The following RSPH6A variants were observed in gnomAD, a reference collection of about 807,000 sequenced individuals.
RSPH6A encodes the protein radial spoke head 6 homolog A, also known as radial spoke head protein 6 homolog A.
In RSPH6A, 49 loss-of-function variants were observed where a neutral mutation model predicts 66.1. The observed-to-expected ratio is 0.74, with a 90% confidence interval of 0.59 to 0.94. RSPH6A has a LOEUF of 0.94. RSPH6A is among the 40% of genes least tolerant of loss of function. The pLI is 0.00. For missense variants in RSPH6A, 977 were observed against 948.3 expected, an observed-to-expected ratio of 1.03 and a Z score of -0.40; for synonymous variants, 419 against 402.4, an observed-to-expected ratio of 1.04 and a Z score of -0.49.
chr19:45,809,714 G>A (rs1309733287), intron 2 of RSPH6A, among the ~76,000 whole-genome samples: 1 of 152,202 alleles, frequency 6.6e-6, no homozygotes, highest in African/African-American at 2.4e-5. Flanking sequence ...AGAGCAGGAA[G>A]CCATCCACAG....
chr19:45,799,573 T>TG (rs1266790698), intron 5 of RSPH6A, among the ~76,000 whole-genome samples: 2 of 152,002 alleles, frequency 1.3e-5, no homozygotes, highest in Non-Finnish European at 2.9e-5. Context: ...AGATAGTGTC[T>TG]TACTGTGTTC....
intron 2 of RSPH6A, among the ~76,000 whole-genome samples, chr19:45,806,968 C>T (rs963816244): frequency 4.0e-5 from 6 of 151,458 alleles, no homozygotes; most frequent in Non-Finnish European, 5.9e-5. Context: ...GATCTCAGCT[C>T]ACTGCAACCT....
In RSPH6A at chr19:45,796,147, GCCCCAGA is replaced by G. The variant is rs766301004; in HGVS notation, c.1917-48_1917-42del. 3 of 1,364,312 alleles carry G rather than the reference GCCCCAGA, an allele frequency of 2.2e-6. No individual in the cohort carries two copies. The South Asian group carries it at 4.7e-5, about 21-fold the overall frequency. 84.5% of individuals were successfully genotyped at this position (1,364,312 alleles called of 1,614,324 possible). A position where few individuals can be genotyped will look rare whatever the true frequency, so the allele number is the denominator to read the frequency against. The stretch of plus-strand genomic sequence containing the variant: ...GACACTGTGAAATTCTCCCTCAAAG[GCCCCAGA>G]CTTGACTTTTTTTTTTTTTTTTTTG... On this transcript the variant is annotated intron_variant, in intron 5 of 5. Transcript: ENST00000221538.
At chr19:45,802,036 A>G in intron 4 of RSPH6A, 84 bp downstream of exon 4, 3 of 1,290,824 alleles carry the variant, frequency 2.3e-6, no homozygotes, top group Non-Finnish European at 3.0e-6. Context: ...GACCGGGGAG[A>G]TGGACCCCAG....
intron 5 of RSPH6A, among the ~76,000 whole-genome samples, chr19:45,798,933 G>A (rs2146280987): frequency 6.6e-6 from 1 of 152,002 alleles, no homozygotes; most frequent in Admixed American, 6.6e-5. Context: ...GGGTGGGTGG[G>A]GGCAGAGGAT....
rs768178245 is a variant in RSPH6A, at chr19:45,804,671, G to A, written c.1234C>T (p.Pro412Ser). The A allele has an allele frequency of 4.5e-5, 72 of 1,613,884 alleles. No individual in the cohort carries two copies. Among genetic ancestry groups the A allele is most frequent in the Non-Finnish European group, 5.9e-5 (70 of 1,180,024 alleles). ...IVPKSVWKPPPVIPKEESRSG... is the reference protein window; with the variant it reads ...IVPKSVWKPPSVIPKEESRSG... ...CGGCTCTCCTCCTTGGGGATCACGG[G>A]CGGCGGCTTCCATACGGACTTAGGG... The change falls in exon 3 of 6, where the codon CCC becomes TCC. Residue 412 changes from proline to serine, a missense_variant. By Grantham distance (74) the Pro-to-Ser change is moderately conservative (BLOSUM62 -1). Coordinates refer to ENST00000221538, the MANE Select transcript of RSPH6A (RefSeq NM_030785.4). This position sits in a 1 kb window ranked among gnomAD's most constrained non-coding sequence, Gnocchi z 5.8.
chr19:45,810,560 C>T (rs1417027388), intron 2 of RSPH6A, 43 bp downstream of exon 2: 2 of 1,571,864 alleles, frequency 1.3e-6, no homozygotes, highest in Non-Finnish European at 1.8e-6. Flanking sequence ...TGCTTGGGCC[C>T]CCACTGACCC....
At chr19:45,808,972 T>C (rs1391154755) in intron 2 of RSPH6A, among the ~76,000 whole-genome samples, 2 of 148,970 alleles carry the variant, frequency 1.3e-5, no homozygotes, top group East Asian at 4.0e-4. Flanking sequence ...CGGCCGAGAA[T>C]AGTCAAAACT....
chr19:45,810,894 G>A, intron 1 of RSPH6A, 54 bp from the exon 2 acceptor site: 1 of 1,490,638 alleles, frequency 6.7e-7, no homozygotes, highest in Non-Finnish European at 9.2e-7. Context: ...TCAGCTCACT[G>A]AGCTGGCTCC....
In RSPH6A at chr19:45,804,958, A is replaced by G. The variant is rs1970524460; in HGVS notation, c.947T>C (p.Val316Ala). ...GAAGCTCTCGTCCGAGCTCAGGCCGACGCCGGCCTGCTCGAAGTAGAAGGC... is the reference window on the plus strand; with the variant it reads ...GAAGCTCTCGTCCGAGCTCAGGCCGGCGCCGGCCTGCTCGAAGTAGAAGGC... ...ETAFYFEQAG[V>A]GLSSDESFRI... is the part of the protein sequence containing the mutation. Residue 316 changes from valine (V) to alanine (A), a missense_variant, in exon 3 of 6, where the codon GTC becomes GCC. By Grantham distance (64) the Val-to-Ala change is moderately conservative. Coordinates refer to ENST00000221538, the MANE Select transcript of RSPH6A (RefSeq NM_030785.4). The surrounding 1 kb of genome is among the most constrained non-coding windows in gnomAD (Gnocchi z 5.8). 6.2e-7 allele frequency: 1 copy of G among 1,613,970 alleles called. No homozygotes were observed. The highest frequency in any genetic ancestry group is 8.5e-7 in the Non-Finnish European group (1 of 1,180,006).
chr19:45,801,970 C>T (rs1970479292), intron 4 of RSPH6A, 150 bp downstream of exon 4: 2 of 663,946 alleles, frequency 3.0e-6, no homozygotes, highest in African/African-American at 1.9e-5. Flanking sequence ...CCTGATGGGG[C>T]CACTGTGATT....
At position 45,800,411 on chromosome 19, in the gene RSPH6A, A is replaced by G. The variant is rs199947367; in HGVS notation, c.1916+35T>C. On this transcript the variant is annotated intron_variant, in intron 5 of 5. Transcript: ENST00000221538. Reference sequence around the variant, plus strand: ...ACCAGGCTTGAAGAAGTCCTGAGAGATTCTCCTGCTGGGAGGGGCTGGGGG... The same window carrying G: ...ACCAGGCTTGAAGAAGTCCTGAGAGGTTCTCCTGCTGGGAGGGGCTGGGGG... 591 of 1,586,480 alleles carry G rather than the reference A, an allele frequency of 3.7e-4. 3 individuals are homozygous for G. In the African/African-American group the frequency reaches 7.2e-3, roughly 19 times the overall value.
chr19:45,812,808 C>T (rs1294016836), intron 1 of RSPH6A, among the ~76,000 whole-genome samples: 2 of 152,086 alleles, frequency 1.3e-5, no homozygotes, highest in Non-Finnish European at 2.9e-5. Context: ...GATTCTCCTG[C>T]CTCAGCCTCC....
At chr19:45,813,038 T>C (rs1970649176) in intron 1 of RSPH6A, among the ~76,000 whole-genome samples, 1 of 152,066 alleles carries the variant, frequency 6.6e-6, no homozygotes, top group African/African-American at 2.4e-5. Flanking sequence ...GAGTCTGAGC[T>C]TCCCCCTGTG....
At position 45,796,050 on chromosome 19, in the gene RSPH6A, T is replaced by G; in HGVS notation, c.1973A>C (p.Asn658Thr). The change falls in exon 6 of 6, where the codon AAC becomes ACC. Residue 658 changes from asparagine to threonine, a missense_variant. Coordinates refer to ENST00000221538, the MANE Select transcript of RSPH6A (RefSeq NM_030785.4). Reference sequence around the variant, plus strand: ...TTGAATGGGGGCTGGCAGGGCCGGGTTGAAGCTCTCGGGGCTGTACTTGTG... The same window carrying G: ...TTGAATGGGGGCTGGCAGGGCCGGGGTGAAGCTCTCGGGGCTGTACTTGTG... ...WGHKYSPESF[N>T]PALPAPIQQE... 6.2e-7 allele frequency: 1 copy of G among 1,613,112 alleles called. No homozygotes were observed. The highest frequency in any genetic ancestry group is 8.5e-7 in the Non-Finnish European group (1 of 1,179,334).
intron 1 of RSPH6A, among the ~76,000 whole-genome samples, chr19:45,813,783 G>A (rs1360090766): frequency 6.6e-6 from 1 of 152,162 alleles, no homozygotes; most frequent in Non-Finnish European, 1.5e-5. Context: ...TCTAATGGAG[G>A]CTGAGAGCAG....
In RSPH6A at chr19:45,798,771, G is replaced by A. The variant is rs548987267; in HGVS notation, c.1916+1675C>T. Among the ~76,000 whole-genome samples, 9 of 151,518 alleles carry A rather than the reference G, an allele frequency of 5.9e-5. No individual in the cohort carries two copies. The East Asian group carries it at 1.4e-3, about 23-fold the overall frequency. ...GGAGAATGGCATGAACCCGGGAGGCGGAGGTTGCAGTGAGCCGAGATCGCG... is the reference window on the plus strand; with the variant it reads ...GGAGAATGGCATGAACCCGGGAGGCAGAGGTTGCAGTGAGCCGAGATCGCG... On this transcript the variant is annotated intron_variant, in intron 5 of 5. Transcript: ENST00000221538.
chr19:45,813,119 A>G (rs1385867223), intron 1 of RSPH6A, among the ~76,000 whole-genome samples: 4 of 152,024 alleles, frequency 2.6e-5, no homozygotes. Context: ...AATAAGAACC[A>G]TTACTTCATC....
Position 45,809,305 on chromosome 19 carries a change from T to C in RSPH6A, c.888+1298A>G, listed in dbSNP as rs1160103153. On this transcript the variant is annotated intron_variant, in intron 2 of 5. Coordinates refer to ENST00000221538, the MANE Select transcript of RSPH6A (RefSeq NM_030785.4). The stretch of plus-strand genomic sequence containing the variant: ...TGTGAGCCACTGCGCCTGGCCTTTT[T>C]TTTTTTTTTTTTTTTTTGAGATGGA... Among the ~76,000 whole-genome samples, 216 of 31,398 alleles carry C rather than the reference T, an allele frequency of 6.9e-3. 1 individual carries two copies. The highest frequency in any genetic ancestry group is 0.036 in the African/African-American group (199 of 5,564). The allele number at this position is 31,398 out of a possible 152,430, so 20.6% of individuals were successfully genotyped here. A position where few individuals can be genotyped will look rare whatever the true frequency, so the allele number is the denominator to read the frequency against.
Sources: allele counts gnomAD v4.1 joint callset (sites outside exome capture counted in the v4.1 genomes callset), GRCh38; gene constraint gnomAD v4.1.1; non-coding constraint Gnocchi (gnomAD v3.1); transcripts MANE v1.5; gene names NCBI Gene and HGNC (gene_info 2026-07-23, HGNC 2026-07-21).